The following FHIT variants were observed in gnomAD, a reference collection of about 807,000 sequenced individuals.
FHIT encodes the protein fragile histidine triad diadenosine triphosphatase.
FHIT carries 19 observed loss-of-function variants against 17.9 expected under a neutral mutation model. That is an observed-to-expected ratio of 1.06 (90% CI 0.74 to 1.56). The LOEUF is 1.56. FHIT is among the 40% of genes most tolerant of loss of function. The pLI is 0.00. For synonymous variants in FHIT, 81 were observed against 69.7 expected (o/e 1.16, Z -0.81); for missense variants, 248 against 189.2 (o/e 1.31, Z -1.82).
intron 3 of FHIT, among the ~76,000 whole-genome samples, chr3:60,931,970 C>T (rs1323799940): frequency 6.6e-6 from 1 of 152,130 alleles, no homozygotes; most frequent in African/African-American, 2.4e-5. Flanking sequence ...CAATTCAGAA[C>T]ACTAACGGCT....
chr3:60,925,827 G>A (rs1367566617), intron 3 of FHIT, among the ~76,000 whole-genome samples: 2 of 152,170 alleles, frequency 1.3e-5, no homozygotes, highest in African/African-American at 2.4e-5. Context: ...CACATGCAGA[G>A]ACACACATAG....
At chr3:61,152,146 A>C (rs1194310183) in intron 2 of FHIT, among the ~76,000 whole-genome samples, 2 of 152,184 alleles carry the variant, frequency 1.3e-5, no homozygotes, top group African/African-American at 4.8e-5. Context: ...ACTGGAATCT[A>C]ATTTGGGGCA....
In FHIT at chr3:60,991,672, G is replaced by A. The variant is rs188364274; in HGVS notation, c.-111+50375C>T. Among the ~76,000 whole-genome samples, 338 of 152,216 alleles carry A rather than the reference G, an allele frequency of 2.2e-3. 1 individual carries two copies. Among genetic ancestry groups the A allele is most frequent in the South Asian group, 0.013 (62 of 4,820 alleles). The stretch of plus-strand genomic sequence containing the variant: ...TAGGGACTCCATCAAACTTACTAAA[G>A]TCTTCACGTGAAAACTATAATAATA... On this transcript the variant is annotated intron_variant, in intron 3 of 9. Transcript: ENST00000492590.
chr3:60,117,794 A>G (rs985409011), intron 5 of FHIT, among the ~76,000 whole-genome samples: 1 of 137,642 alleles, frequency 7.3e-6, no homozygotes, highest in African/African-American at 2.6e-5. Flanking sequence ...AGAGGCCACC[A>G]GTGAAAAGGA....
intron 4 of FHIT, among the ~76,000 whole-genome samples, chr3:60,663,453 G>C (rs2040309567): frequency 6.6e-6 from 1 of 151,152 alleles, no homozygotes; most frequent in Non-Finnish European, 1.5e-5. Context: ...ATTTATTTCT[G>C]AGACGGAATT....
chr3:61,187,586 A>G (rs1181977760), intron 2 of FHIT, among the ~76,000 whole-genome samples: 1 of 152,234 alleles, frequency 6.6e-6, no homozygotes, highest in African/African-American at 2.4e-5. Context: ...CGGACCTAAT[A>G]GACATCTACA....
At chr3:60,283,059 G>C (rs890490001) in intron 5 of FHIT, among the ~76,000 whole-genome samples, 4 of 152,134 alleles carry the variant, frequency 2.6e-5, no homozygotes, top group African/African-American at 7.2e-5. Flanking sequence ...AAGTCATCCT[G>C]AATGAAGAAA....
At chr3:60,111,945 C>G (rs1435205550) in intron 5 of FHIT, among the ~76,000 whole-genome samples, 2 of 152,082 alleles carry the variant, frequency 1.3e-5, no homozygotes, top group Non-Finnish European at 2.9e-5. Context: ...TTTTTTGCCT[C>G]TATTATTTGT....
intron 7 of FHIT, among the ~76,000 whole-genome samples, chr3:59,981,899 C>T (rs1027775948): frequency 6.6e-6 from 1 of 151,844 alleles, no homozygotes; most frequent in Non-Finnish European, 1.5e-5. Flanking sequence ...CAAAAATATC[C>T]CACAGGATTC....
At chr3:60,231,640 T>C (rs77066593) in intron 5 of FHIT, among the ~76,000 whole-genome samples, 42 of 152,326 alleles carry the variant, frequency 2.8e-4, no homozygotes, top group African/African-American at 8.7e-4. Flanking sequence ...CTAATCCTTA[T>C]TGAGCACATA....
intron 5 of FHIT, among the ~76,000 whole-genome samples, chr3:60,466,567 G>C (rs2032806050): frequency 6.6e-6 from 1 of 151,828 alleles, no homozygotes; most frequent in African/African-American, 2.4e-5. Context: ...AGTTTCTGTG[G>C]GTTTTTAATC....
chr3:60,998,992 GA>G (rs2030874305), intron 3 of FHIT, among the ~76,000 whole-genome samples: 1 of 152,046 alleles, frequency 6.6e-6, no homozygotes, highest in East Asian at 1.9e-4. Context: ...GGAGATACGT[GA>G]AAGAGTAACC....
chr3:60,158,401 T>C (rs980142968), intron 5 of FHIT, among the ~76,000 whole-genome samples: 2 of 152,116 alleles, frequency 1.3e-5, no homozygotes, highest in African/African-American at 4.8e-5. Flanking sequence ...AACCTCCGCT[T>C]CCAGGGTTCA....
intron 5 of FHIT, among the ~76,000 whole-genome samples, chr3:60,049,084 C>G (rs971226245): frequency 6.6e-6 from 1 of 152,142 alleles, no homozygotes; most frequent in African/African-American, 2.4e-5. Flanking sequence ...GCTACCTCAC[C>G]CTATAGACAT....
chr3:61,150,331 G>C (rs1343490394), intron 2 of FHIT, among the ~76,000 whole-genome samples: 1 of 151,820 alleles, frequency 6.6e-6, no homozygotes, highest in Non-Finnish European at 1.5e-5. Context: ...AGCTCTCTAT[G>C]TTCCTTCTTT....
intron 8 of FHIT, among the ~76,000 whole-genome samples, chr3:59,854,978 C>T (rs1364250402): frequency 6.6e-6 from 1 of 152,152 alleles, no homozygotes; most frequent in Non-Finnish European, 1.5e-5. Flanking sequence ...GACCTGATTA[C>T]TAAAAAGACT....
intron 4 of FHIT, chr3:60,617,151 T>G (rs974555036): frequency 4.6e-6 from 1 of 217,096 alleles, no homozygotes; most frequent in Admixed American, 4.1e-5. Context: ...AAGAAGTGAT[T>G]GTTAGCATCA....
At chr3:59,957,203 A>T (rs1707448317) in intron 7 of FHIT, among the ~76,000 whole-genome samples, 1 of 152,222 alleles carries the variant, frequency 6.6e-6, no homozygotes, top group East Asian at 1.9e-4. Flanking sequence ...TTAAAGTGAG[A>T]CCATCAAGTT....
intron 1 of FHIT, among the ~76,000 whole-genome samples, chr3:61,232,186 C>T (rs1325642056): frequency 2.0e-5 from 3 of 152,130 alleles, no homozygotes; most frequent in Non-Finnish European, 4.4e-5. Flanking sequence ...GAGTTCGAGA[C>T]CAGCCTGGCC....
Sources: allele counts gnomAD v4.1 joint callset (sites outside exome capture counted in the v4.1 genomes callset), GRCh38; gene constraint gnomAD v4.1.1; transcripts MANE v1.5; gene names NCBI Gene and HGNC (gene_info 2026-07-23, HGNC 2026-07-21).